ROBO2: variants seen among roughly 807,000 people sequenced by gnomAD.
ROBO2 encodes the protein roundabout homolog 2.
Under a neutral mutation model 160.8 loss-of-function variants are expected in ROBO2, and 53 were observed. The ratio of observed to expected loss-of-function variants is 0.33; its 90% confidence interval spans 0.26 to 0.41. The LOEUF is 0.41. Among genes scored for constraint, ROBO2 ranks in the 10% least tolerant of loss-of-function variants. ROBO2 has a pLI of 1.00. For synonymous variants in ROBO2, 664 were observed against 611.7 expected, an observed-to-expected ratio of 1.09 and a Z score of -1.26; for missense variants, 1,577 against 1,722.4, an observed-to-expected ratio of 0.92 and a Z score of 1.49.
chr3:77,488,307 C>T (rs928713054), intron 4 of ROBO2, among the ~76,000 whole-genome samples: 2 of 152,164 alleles, frequency 1.3e-5, no homozygotes, highest in Non-Finnish European at 2.9e-5. Context: ...TTGGCAAAGA[C>T]ATTGCCTCTG....
At chr3:77,456,858 C>A (rs2081698569) in intron 2 of ROBO2, among the ~76,000 whole-genome samples, 1 of 152,154 alleles carries the variant, frequency 6.6e-6, no homozygotes, top group Non-Finnish European at 1.5e-5. Context: ...TCATGGAACA[C>A]AACTCAGGGT....
intron 2 of ROBO2, among the ~76,000 whole-genome samples, chr3:76,659,873 G>C (rs1193548648): frequency 6.6e-6 from 1 of 152,094 alleles, no homozygotes; most frequent in Non-Finnish European, 1.5e-5. Context: ...ATTTGAAGGG[G>C]ATGAAGAAGC....
At chr3:76,376,701 C>T (rs2076363067) in intron 2 of ROBO2, among the ~76,000 whole-genome samples, 1 of 152,058 alleles carries the variant, frequency 6.6e-6, no homozygotes. Flanking sequence ...ATCTGTCTTA[C>T]TAATTTGGGG....
At chr3:76,448,119 A>G (rs1480074646) in intron 2 of ROBO2, among the ~76,000 whole-genome samples, 2 of 151,992 alleles carry the variant, frequency 1.3e-5, no homozygotes, top group Non-Finnish European at 1.5e-5. Context: ...AAACAAAAAT[A>G]TTCTCCTTTA....
chr3:75,924,995 A>G (rs999191097), intron 1 of ROBO2, among the ~76,000 whole-genome samples: 5 of 151,534 alleles, frequency 3.3e-5, no homozygotes, highest in Admixed American at 6.6e-5. Context: ...CCGGGAATTT[A>G]TTTTCTTCAG....
intron 16 of ROBO2, 144 bp downstream of exon 17, chr3:77,580,262 T>A: frequency 3.8e-6 from 3 of 793,912 alleles, no homozygotes; most frequent in Non-Finnish European, 6.4e-6. Context: ...GTTAACTGAC[T>A]AGAGTTTTTT....
At chr3:76,145,659 T>A (rs977480606) in intron 2 of ROBO2, among the ~76,000 whole-genome samples, 3 of 152,052 alleles carry the variant, frequency 2.0e-5, no homozygotes, top group Non-Finnish European at 2.9e-5. Context: ...AGAAATTTAC[T>A]TATGTATAAC....
rs2089937140 is a variant in ROBO2 at position 77,248,092 on chromosome 3, G to A, written c.388+149752G>A. Among the ~76,000 whole-genome samples, 2 of 152,140 alleles carry A rather than the reference G, an allele frequency of 1.3e-5. 1 individual carries two copies. The highest frequency in any genetic ancestry group is 4.1e-4 in the South Asian group (2 of 4,824). On this transcript the variant is annotated intron_variant, in intron 2 of 25. Coordinates refer to ENST00000461745, the Ensembl canonical transcript of ROBO2. ...AATGTCAGAGACTGGGATGGATGTT[G>A]GAGAGAAGTGGTTTGACTTCAGAGG...
At chr3:76,444,160 A>T (rs1025609508) in intron 2 of ROBO2, among the ~76,000 whole-genome samples, 1 of 152,172 alleles carries the variant, frequency 6.6e-6, no homozygotes, top group African/African-American at 2.4e-5. Flanking sequence ...TTGTATTTTT[A>T]GTAGAGACGG....
chr3:76,708,691 C>T (rs2093223461), intron 2 of ROBO2, among the ~76,000 whole-genome samples: 1 of 152,140 alleles, frequency 6.6e-6, no homozygotes, highest in African/African-American at 2.4e-5. Context: ...AGACAGATCT[C>T]CTGAAAGTTT....
At chr3:77,634,806 T>C (rs1371572894) in intron 23 of ROBO2, 64 bp from the exon 25 acceptor site, 15 of 1,489,326 alleles carry the variant, frequency 1.0e-5, no homozygotes, top group Non-Finnish European at 1.3e-5. Flanking sequence ...TGCAGAAATA[T>C]AGGACAGAAT....
At chr3:77,513,539 A>G (rs974574203) in intron 5 of ROBO2, among the ~76,000 whole-genome samples, 2 of 151,878 alleles carry the variant, frequency 1.3e-5, no homozygotes, top group South Asian at 2.1e-4. Flanking sequence ...CATACTTAAT[A>G]TTTCTCTTTT....
chr3:76,216,541 CA>C (rs1344804511), intron 2 of ROBO2, among the ~76,000 whole-genome samples: 1 of 152,044 alleles, frequency 6.6e-6, no homozygotes, highest in Non-Finnish European at 1.5e-5. Context: ...TTTAAACCAA[CA>C]AAGATCAAAA....
At chr3:76,431,610 A>G (rs1167579452) in intron 2 of ROBO2, among the ~76,000 whole-genome samples, 1 of 152,152 alleles carries the variant, frequency 6.6e-6, no homozygotes, top group Non-Finnish European at 1.5e-5. Context: ...AAACAAGCAG[A>G]AACATTAATC....
chr3:76,180,457 C>T (rs969225496), intron 2 of ROBO2, among the ~76,000 whole-genome samples: 9 of 152,090 alleles, frequency 5.9e-5, no homozygotes, highest in African/African-American at 2.2e-4. Context: ...ATTTGTGCTT[C>T]CTGAATCTTC....
At chr3:76,472,908 A>T (rs1256499210) in intron 2 of ROBO2, among the ~76,000 whole-genome samples, 1 of 152,234 alleles carries the variant, frequency 6.6e-6, no homozygotes, top group African/African-American at 2.4e-5. Flanking sequence ...CTGAACAGAC[A>T]CAGGTAATCC....
At chr3:75,982,531 G>T (rs2065307578) in intron 2 of ROBO2, among the ~76,000 whole-genome samples, 1 of 151,500 alleles carries the variant, frequency 6.6e-6, no homozygotes, top group African/African-American at 2.4e-5. Context: ...CAGTGATGTT[G>T]AACATCTTTT....
chr3:76,250,356 A>G (rs534464399), intron 2 of ROBO2, among the ~76,000 whole-genome samples: 4 of 152,210 alleles, frequency 2.6e-5, no homozygotes, highest in African/African-American at 9.6e-5. Flanking sequence ...TTTATTTTGC[A>G]TATTTATTGT....
At chr3:76,756,258 G>A (rs962399796) in intron 2 of ROBO2, among the ~76,000 whole-genome samples, 1 of 151,760 alleles carries the variant, frequency 6.6e-6, no homozygotes, top group African/African-American at 2.4e-5. Flanking sequence ...AGAAATAAGA[G>A]AAATAATGGA....
Sources: allele counts gnomAD v4.1 joint callset (sites outside exome capture counted in the v4.1 genomes callset), GRCh38; gene constraint gnomAD v4.1.1; transcripts MANE v1.5; gene names NCBI Gene and HGNC (gene_info 2026-07-23, HGNC 2026-07-21).